Variants in DDX27 observed in about 807,000 individuals in gnomAD.
DDX27 encodes probable ATP-dependent RNA helicase DDX27.
Under a neutral mutation model 99.3 loss-of-function variants are expected in DDX27, and 42 were observed. The observed-to-expected ratio is 0.42, with a 90% CI of 0.33 to 0.55. The LOEUF (loss-of-function observed/expected upper bound fraction) is 0.55. DDX27 is among the 20% of genes least tolerant of loss of function. DDX27 has a pLI of 0.07. For missense variants in DDX27, 798 were observed against 976.8 expected (o/e 0.82, Z 2.44); for synonymous variants, 329 against 353.8 (o/e 0.93, Z 0.79).
At chr20:49,242,804 C>T in intron 19 of DDX27, 123 bp downstream of exon 19, 1 of 899,616 alleles carries the variant, frequency 1.1e-6, no homozygotes, top group Non-Finnish European at 1.7e-6. Flanking sequence ...TCACTGCAAG[C>T]TCCACCTCCT....
At chr20:49,239,828 C>G (rs1294796249) in intron 16 of DDX27, among the ~76,000 whole-genome samples, 1 of 152,120 alleles carries the variant, frequency 6.6e-6, no homozygotes, top group Non-Finnish European at 1.5e-5. Flanking sequence ...TGTTCATCAA[C>G]AAGTGAATGG....
rs149888744 is a variant in DDX27 at position 49,221,551 on chromosome 20, G to A, written c.193G>A (p.Asp65Asn). ...FVFTEKEGTY[D>N]GSWALADVMS... ...TTTCACTGAGAAGGAGGGGACGTAC[G>A]ATGGCAGCTGGGCCCTGGCTGATGT... Residue 65 changes from aspartate (D) to asparagine (N), a missense_variant, in exon 2 of 21, where the codon GAT becomes AAT. Asp to Asn is a conservative substitution (Grantham distance 23). Coordinates refer to ENST00000618172, the MANE Select transcript of DDX27 (RefSeq NM_017895.8). 4.8e-5 allele frequency: 78 copies of A among 1,612,870 alleles called. No homozygotes were observed. Among genetic ancestry groups the A allele is most frequent in the East Asian group, 4.2e-4 (19 of 44,876 alleles).
At chr20:49,240,451 G>A (rs1196181562) in intron 16 of DDX27, among the ~76,000 whole-genome samples, 2 of 151,944 alleles carry the variant, frequency 1.3e-5, no homozygotes, top group African/African-American at 2.4e-5. Context: ...GTTTTCAGAC[G>A]GAGTCTTGCT....
intron 6 of DDX27, 143 bp from the exon 7 acceptor site, chr20:49,226,287 T>G: frequency 3.4e-6 from 2 of 579,942 alleles, no homozygotes; most frequent in Non-Finnish European, 6.1e-6. Context: ...ACCTCACACA[T>G]AGTAGGCGTT....
Position 49,222,908 on chromosome 20 carries a change from C to T in DDX27, c.241-49C>T, listed in dbSNP as rs750154086. On this transcript the variant is annotated intron_variant, in intron 2 of 20. Coordinates refer to ENST00000618172, the MANE Select transcript of DDX27 (RefSeq NM_017895.8). ...ATTATGAAGAGTTTGTTCTCTTATT[C>T]GATGTTTCAATGAAAATTTCTTTTT... is the stretch of plus-strand genomic sequence containing the variant. 1.1e-5 allele frequency: 17 copies of T among 1,487,226 alleles called. 1 individual carries two copies. Among genetic ancestry groups the T allele is most frequent in the South Asian group, 1.0e-4 (8 of 79,100 alleles). The allele number at this position is 1,487,226 out of a possible 1,614,324, so 92.1% of individuals were successfully genotyped here. A position where few individuals can be genotyped will look rare whatever the true frequency, so the allele number is the denominator to read the frequency against.
At chr20:49,242,352 C>A in intron 18 of DDX27, 146 bp downstream of exon 18, 1 of 1,393,524 alleles carries the variant, frequency 7.2e-7, no homozygotes, top group Non-Finnish European at 9.6e-7. Context: ...GCTATCCCTC[C>A]ACGGTCTAAG....
Position 49,242,497 on chromosome 20 carries a change from A to G in DDX27, c.2117-97A>G, listed in dbSNP as rs116615958. The G allele has an allele frequency of 6.7e-4, 818 of 1,226,838 alleles. 3 individuals are homozygous for G. The African/African-American group carries it at 0.011, about 17-fold the overall frequency. The allele number at this position is 1,226,838 out of a possible 1,614,324, so 76.0% of individuals were successfully genotyped here. ...AATGAAAATAGTCTTTGGATGCCAG[A>G]GTATCCACTGAACTTGGAATCATTA... On this transcript the variant is annotated intron_variant, in intron 18 of 20. Transcript: ENST00000618172.
At chr20:49,229,965 G>A (rs898582057) in intron 8 of DDX27, among the ~76,000 whole-genome samples, 2 of 152,188 alleles carry the variant, frequency 1.3e-5, no homozygotes, top group African/African-American at 4.8e-5. Flanking sequence ...ATTCTCTTCT[G>A]AAGTGCTTTT....
chr20:49,235,113 GCT>G, intron 12 of DDX27, 25 bp downstream of exon 12: 1 of 1,568,874 alleles, frequency 6.4e-7, no homozygotes, highest in South Asian at 1.2e-5. Context: ...GGGGACTGAG[GCT>G]CCCACCATCC....
At chr20:49,224,837 C>T in intron 4 of DDX27, 108 bp from the exon 5 acceptor site, 2 of 1,201,296 alleles carry the variant, frequency 1.7e-6, no homozygotes, top group Non-Finnish European at 1.2e-6. Flanking sequence ...TGACGATGGT[C>T]ACCCCTCAGA....
At chr20:49,233,430 C>T (rs1346633694) in intron 10 of DDX27, 25 bp downstream of exon 10, 31 of 1,610,424 alleles carry the variant, frequency 1.9e-5, no homozygotes, top group South Asian at 9.9e-5. Flanking sequence ...TTCTCTGTGG[C>T]GGGTGGCAGG....
Position 49,223,390 on chromosome 20 carries a change from G to A in DDX27, c.423G>A (p.Glu141=). 1 of 1,613,582 alleles carries A rather than the reference G, an allele frequency of 6.2e-7. No individual in the cohort carries two copies. Among genetic ancestry groups the A allele is most frequent in the African/African-American group, 1.3e-5 (1 of 74,968 alleles). ...DEEGSEDEAS[E]TDYSSADENI... ...AAGGCTCAGAAGATGAAGCCTCGGA[G>A]ACTGACTACTCATCAGCTGATGAGA... Residue 141 remains glutamate (E), a synonymous_variant, in exon 4 of 21, where the codon GAG becomes GAA. Transcript: ENST00000618172.
At position 49,228,769 on chromosome 20, in the gene DDX27, G is replaced by T; in HGVS notation, c.761G>T (p.Arg254Leu). The T allele has an allele frequency of 3.1e-6, 5 of 1,612,756 alleles. No homozygotes were observed. Among genetic ancestry groups the T allele is most frequent in the Non-Finnish European group, 4.2e-6 (5 of 1,179,298 alleles). Reference protein sequence around the residue: ...PVLERLIYKPRQAPVTRVLVL... With the variant: ...PVLERLIYKPLQAPVTRVLVL... Reference sequence around the variant, plus strand: ...TTGGAGCGTCTGATTTATAAACCCCGCCAGGCTCCAGTCACCCGCGTGCTG... The same window carrying T: ...TTGGAGCGTCTGATTTATAAACCCCTCCAGGCTCCAGTCACCCGCGTGCTG... Residue 254 changes from arginine to leucine, a missense_variant, in exon 8 of 21, where the codon CGC (arginine) becomes CTC (leucine). Around this residue, in one of 2 missense-constraint regions of DDX27, gnomAD observed 553 missense variants for 727.9 expected, o/e 0.76. Transcript: ENST00000618172.
chr20:49,221,897 G>A lies in DDX27; in HGVS notation c.240+299G>A, dbSNP rs530567959. On this transcript the variant is annotated intron_variant, in intron 2 of 20. Coordinates refer to ENST00000618172, the MANE Select transcript of DDX27 (RefSeq NM_017895.8). The stretch of plus-strand genomic sequence containing the variant: ...TATGAGCACTTGCCAGGTGGTCTCC[G>A]GTGGTGTCACTGTGCAGTGTCCCTG... Among the ~76,000 whole-genome samples, 4 of 150,402 alleles carry A rather than the reference G, an allele frequency of 2.7e-5. No homozygotes were observed. The South Asian group carries it at 6.4e-4, about 24-fold the overall frequency.
chr20:49,225,063 C>G, intron 5 of DDX27, 50 bp from the exon 6 acceptor site: 8 of 1,610,764 alleles, frequency 5.0e-6, no homozygotes, highest in Non-Finnish European at 6.8e-6. Context: ...GTTTGGGTTT[C>G]TTGGCTCTTT....
intron 16 of DDX27, among the ~76,000 whole-genome samples, chr20:49,240,648 C>T (rs549450443): frequency 2.0e-5 from 3 of 152,148 alleles, no homozygotes; most frequent in African/African-American, 7.2e-5. Context: ...AGGATGGTCT[C>T]GATCTCCTGA....
intron 12 of DDX27, chr20:49,235,307 C>T: frequency 2.2e-6 from 1 of 456,238 alleles, no homozygotes; most frequent in Non-Finnish European, 3.7e-6. Flanking sequence ...TCCTTGGATG[C>T]TTGTCCCTAG....
At position 49,236,477 on chromosome 20, in the gene DDX27, A is replaced by G. The variant is rs868735008; in HGVS notation, c.1654A>G (p.Lys552Glu). The change falls in exon 14 of 21, where the codon AAG becomes GAG. Residue 552 changes from lysine to glutamate, a missense_variant. Transcript: ENST00000618172. The surrounding 1 kb of genome is among the most constrained non-coding windows in gnomAD (Gnocchi z 4.1). Reference protein sequence around the residue: ...KMLKEIVKAAKAPVKARILPQ... With the variant: ...KMLKEIVKAAEAPVKARILPQ... ...GCTGAAGGAGATTGTAAAAGCTGCCAAGGCCCCTGTGAAGGCCAGGATACT... is the reference window on the plus strand; with the variant it reads ...GCTGAAGGAGATTGTAAAAGCTGCCGAGGCCCCTGTGAAGGCCAGGATACT... The G allele has an allele frequency of 3.1e-6, 5 of 1,609,370 alleles. No individual in the cohort carries two copies. The Middle Eastern group carries it at 8.3e-4, about 266-fold the overall frequency.
At chr20:49,233,902 C>G (rs974617124) in intron 11 of DDX27, 193 bp downstream of exon 11, 2 of 596,954 alleles carry the variant, frequency 3.4e-6, no homozygotes, top group African/African-American at 3.7e-5. Context: ...TTTATCGCCT[C>G]ACCAATCCTC....
Sources: gnomAD v4.1 joint callset for allele counts (sites outside exome capture counted in the v4.1 genomes callset) on GRCh38, gnomAD v4.1.1 for gene constraint, gnomAD v4.1.1 regional missense constraint, Gnocchi (gnomAD v3.1) non-coding constraint, MANE v1.5 for transcripts, NCBI Gene and HGNC (gene_info 2026-07-23, HGNC 2026-07-21) for gene names.